MCTP1: variants seen among roughly 807,000 people sequenced by gnomAD.
MCTP1 encodes the protein multiple C2 and transmembrane domain containing 1, also known as multiple C2 and transmembrane domain-containing protein 1.
In MCTP1, 69 loss-of-function variants were observed where a neutral mutation model predicts 120.6. That is an observed-to-expected ratio of 0.57 (90% confidence interval 0.47 to 0.70). The LOEUF (loss-of-function observed/expected upper bound fraction) is 0.70, where lower values mean the gene tolerates loss of function less well. Among genes scored for constraint, MCTP1 ranks in the 30% least tolerant of loss-of-function variants. The pLI, the probability that MCTP1 is intolerant of heterozygous loss-of-function variation, is 0.00. For synonymous variants in MCTP1, 529 were observed against 493.1 expected, an observed-to-expected ratio of 1.07 and a Z score of -0.96; for missense variants, 1,203 against 1,248.8, an observed-to-expected ratio of 0.96 and a Z score of 0.55.
chr5:95,054,963 A>T (rs147518984), intron 1 of MCTP1, among the ~76,000 whole-genome samples: 212 of 152,148 alleles, frequency 1.4e-3, no homozygotes, highest in African/African-American at 4.8e-3. Flanking sequence ...ATACGCCACC[A>T]CACCTGGCTA....
At chr5:94,754,245 C>T (rs1769199923) in intron 19 of MCTP1, among the ~76,000 whole-genome samples, 3 of 152,076 alleles carry the variant, frequency 2.0e-5, no homozygotes, top group Admixed American at 2.0e-4. Flanking sequence ...CTAAGAAGCA[C>T]ATTATGAACA....
intron 2 of MCTP1, among the ~76,000 whole-genome samples, chr5:94,999,333 G>C (rs1314947701): frequency 6.6e-6 from 1 of 152,176 alleles, no homozygotes; most frequent in African/African-American, 2.4e-5. Flanking sequence ...ATGCAACTGA[G>C]AGATGCACTT....
intron 1 of MCTP1, among the ~76,000 whole-genome samples, chr5:95,264,174 G>A (rs754682668): frequency 3.9e-5 from 6 of 152,160 alleles, no homozygotes; most frequent in African/African-American, 1.4e-4. Context: ...TCCCTTGAGC[G>A]TCAGTATCTA....
intron 1 of MCTP1, among the ~76,000 whole-genome samples, chr5:95,189,779 T>C (rs1332863904): frequency 1.3e-5 from 2 of 152,140 alleles, no homozygotes; most frequent in African/African-American, 4.8e-5. Flanking sequence ...CAGGCTATAA[T>C]TTGCATATTT....
chr5:95,284,591 C>T lies in MCTP1; in HGVS notation c.-16G>A. The T allele has an allele frequency of 7.1e-7, 1 of 1,400,158 alleles. No individual in the cohort carries two copies. The highest frequency in any genetic ancestry group is 9.2e-7 in the Non-Finnish European group (1 of 1,086,502). 86.7% of individuals were successfully genotyped at this position (1,400,158 alleles called of 1,614,324 possible). ...GGGGCTCCATCCTCCACCCCCTGCT[C>T]CTCCTCTCCCCTCCTCCTCCTCCTC... On this transcript the variant is annotated 5_prime_UTR_variant, in exon 1 of 23. Transcript: ENST00000515393. The surrounding 1 kb of genome is among the most constrained non-coding windows in gnomAD (Gnocchi z 5.2).
intron 2 of MCTP1, among the ~76,000 whole-genome samples, chr5:94,960,800 A>C (rs1469812128): frequency 6.6e-6 from 1 of 152,198 alleles, no homozygotes; most frequent in African/African-American, 2.4e-5. Context: ...GTGGAGAAAT[A>C]AGAATGCTTT....
intron 18 of MCTP1, among the ~76,000 whole-genome samples, chr5:94,790,159 C>G (rs1778583345): frequency 6.6e-6 from 1 of 152,152 alleles, no homozygotes; most frequent in South Asian, 2.1e-4. Flanking sequence ...TAGCCACTTT[C>G]TAGGAGTGCT....
At chr5:95,147,691 C>A (rs1001357790) in intron 1 of MCTP1, among the ~76,000 whole-genome samples, 1 of 152,090 alleles carries the variant, frequency 6.6e-6, no homozygotes, top group East Asian at 1.9e-4. Context: ...GGGCTTAGAT[C>A]ATTTATATTC....
chr5:94,844,867 T>G (rs36724), intron 17 of MCTP1, among the ~76,000 whole-genome samples: 43,199 of 151,772 alleles, frequency 0.28, 7,748 homozygotes, highest in East Asian at 0.89. Flanking sequence ...ATTCTGTTTT[T>G]CCTTTTCCAA....
chr5:94,951,115 C>A (rs551768275), intron 3 of MCTP1, among the ~76,000 whole-genome samples: 1 of 152,020 alleles, frequency 6.6e-6, no homozygotes, highest in Non-Finnish European at 1.5e-5. Flanking sequence ...CCCCTTGCTA[C>A]CCCCTCATCC....
chr5:94,831,508 G>GTAAA (rs1461274406), intron 17 of MCTP1, among the ~76,000 whole-genome samples: 4 of 152,186 alleles, frequency 2.6e-5, no homozygotes, highest in Non-Finnish European at 4.4e-5. Flanking sequence ...ACTCCCAAAT[G>GTAAA]TAAATGCTAG....
intron 1 of MCTP1, among the ~76,000 whole-genome samples, chr5:95,036,117 A>G (rs1022336985): frequency 5.3e-5 from 8 of 152,162 alleles, no homozygotes; most frequent in African/African-American, 1.9e-4. Flanking sequence ...GCTACCAGTG[A>G]GTAAAACAAC....
rs904176084 is a variant in MCTP1, at chr5:95,276,678, G to A, written c.720+7178C>T. Reference sequence around the variant, plus strand: ...ACAAAAAACAGGTCAGGCCGGGCGCGGTGGCTCACGCCTGTAATCCCAGCA... The same window carrying A: ...ACAAAAAACAGGTCAGGCCGGGCGCAGTGGCTCACGCCTGTAATCCCAGCA... On this transcript the variant is annotated intron_variant, in intron 1 of 22. Coordinates refer to ENST00000515393, the MANE Select transcript of MCTP1 (RefSeq NM_024717.7). Among the ~76,000 whole-genome samples, 7 of 151,262 alleles carry A rather than the reference G, an allele frequency of 4.6e-5. No homozygotes were observed. In the East Asian group the frequency reaches 6.0e-4, roughly 13 times the overall value.
At chr5:94,807,591 T>C (rs1036718352) in intron 17 of MCTP1, among the ~76,000 whole-genome samples, 1 of 152,152 alleles carries the variant, frequency 6.6e-6, no homozygotes, top group African/African-American at 2.4e-5. Flanking sequence ...AGAAAGGGAA[T>C]ATAAAAAGAA....
At chr5:94,724,676 T>A (rs999931687) in intron 19 of MCTP1, among the ~76,000 whole-genome samples, 8 of 152,200 alleles carry the variant, frequency 5.3e-5, no homozygotes, top group African/African-American at 1.9e-4. Flanking sequence ...GATTTTGGTA[T>A]CCATGGGAGG....
chr5:94,744,473 A>G lies in MCTP1; in HGVS notation c.2611-29587T>C, dbSNP rs958547519. Reference sequence around the variant, plus strand: ...TGCTGGCGTTATGCAAACTTGGTCAAGTTCTGAAAATGGATCTCAGTTTTG... The same window carrying G: ...TGCTGGCGTTATGCAAACTTGGTCAGGTTCTGAAAATGGATCTCAGTTTTG... On this transcript the variant is annotated intron_variant, in intron 19 of 22. Coordinates refer to ENST00000515393, the MANE Select transcript of MCTP1 (RefSeq NM_024717.7). Among the ~76,000 whole-genome samples the G allele has an allele frequency of 1.8e-4, 28 of 152,148 alleles. No individual in the cohort carries two copies. The East Asian group carries it at 4.9e-3, about 26-fold the overall frequency.
At chr5:94,782,744 G>C (rs1776830465) in intron 18 of MCTP1, among the ~76,000 whole-genome samples, 1 of 152,014 alleles carries the variant, frequency 6.6e-6, no homozygotes, top group African/African-American at 2.4e-5. Flanking sequence ...TTGTTTTCAA[G>C]TATACAAAGT....
At chr5:95,058,638 G>C (rs541813822) in intron 1 of MCTP1, among the ~76,000 whole-genome samples, 1 of 147,030 alleles carries the variant, frequency 6.8e-6, no homozygotes, top group African/African-American at 2.6e-5. Flanking sequence ...CTTCAACATA[G>C]AATTAAATGA....
intron 1 of MCTP1, among the ~76,000 whole-genome samples, chr5:95,227,384 T>A (rs1304756106): frequency 1.3e-5 from 2 of 152,214 alleles, no homozygotes; most frequent in African/African-American, 4.8e-5. Context: ...ATGGAAAGCT[T>A]AAACTATTTT....
Sources: gnomAD v4.1 joint callset for allele counts (sites outside exome capture counted in the v4.1 genomes callset) on GRCh38, gnomAD v4.1.1 for gene constraint, Gnocchi (gnomAD v3.1) non-coding constraint, MANE v1.5 for transcripts, NCBI Gene and HGNC (gene_info 2026-07-23, HGNC 2026-07-21) for gene names.